WNT3: variants seen among roughly 807,000 people sequenced by gnomAD.
WNT3 encodes the protein Wnt family member 3.
WNT3 carries 7 observed loss-of-function variants against 34.2 expected under a neutral mutation model. The observed-to-expected ratio is 0.20, with a 90% CI of 0.12 to 0.38. WNT3 has a LOEUF of 0.38. Among genes scored for constraint, WNT3 ranks in the 10% least tolerant of loss-of-function variants. The pLI is 1.00. For missense variants in WNT3, 267 were observed against 499.8 expected, an observed-to-expected ratio of 0.53 and a Z score of 4.44; for synonymous variants, 212 against 211.5, an observed-to-expected ratio of 1.00 and a Z score of -0.02.
intron 4 of WNT3, among the ~76,000 whole-genome samples, chr17:46,766,086 A>T (rs968152416): frequency 2.6e-5 from 4 of 152,218 alleles, no homozygotes; most frequent in Non-Finnish European, 4.4e-5. Flanking sequence ...TGTCCATTTC[A>T]GAAATGGGGA....
intron 1 of WNT3, among the ~76,000 whole-genome samples, chr17:46,783,622 G>A (rs969689696): frequency 3.3e-5 from 5 of 152,322 alleles, no homozygotes; most frequent in African/African-American, 1.2e-4. Flanking sequence ...AGTAACCTCT[G>A]GGCCAGAGGG....
intron 1 of WNT3, among the ~76,000 whole-genome samples, chr17:46,812,238 C>G (rs1446883008): frequency 6.6e-6 from 1 of 152,180 alleles, no homozygotes; most frequent in Middle Eastern, 3.2e-3. Context: ...AAGGACCCTG[C>G]TTAGAGCCGG....
chr17:46,814,449 TGA>T (rs1166704084), intron 1 of WNT3, among the ~76,000 whole-genome samples: 1 of 151,922 alleles, frequency 6.6e-6, no homozygotes, highest in Non-Finnish European at 1.5e-5. Flanking sequence ...GGGGGCGGGG[TGA>T]GCGGGAGGGC....
chr17:46,804,715 G>A (rs771045230), intron 1 of WNT3, among the ~76,000 whole-genome samples: 12 of 152,206 alleles, frequency 7.9e-5, no homozygotes, highest in Non-Finnish European at 1.5e-4. Flanking sequence ...CGGACTTCCT[G>A]GGTCAACTGG....
At chr17:46,807,267 G>C (rs2084209704) in intron 1 of WNT3, among the ~76,000 whole-genome samples, 2 of 152,364 alleles carry the variant, frequency 1.3e-5, no homozygotes, top group South Asian at 4.1e-4. Flanking sequence ...TGGATCACTT[G>C]ATGTCAGGAG....
At chr17:46,807,350 C>T (rs1308595197) in intron 1 of WNT3, among the ~76,000 whole-genome samples, 2 of 152,150 alleles carry the variant, frequency 1.3e-5, no homozygotes, top group Admixed American at 6.5e-5. Context: ...GGTGTGGTGG[C>T]GCATGCCTAT....
chr17:46,770,132 A>AG, intron 2 of WNT3, 84 bp from the exon 3 acceptor site: 1 of 1,451,582 alleles, frequency 6.9e-7, no homozygotes, highest in South Asian at 1.4e-5. Context: ...CCAGGACGTG[A>AG]GGGGAACGAG....
At chr17:46,774,570 G>A (rs1038468353) in intron 1 of WNT3, among the ~76,000 whole-genome samples, 2 of 152,208 alleles carry the variant, frequency 1.3e-5, no homozygotes, top group Non-Finnish European at 2.9e-5. Flanking sequence ...GCTTGGCTTT[G>A]TGTCAAAACA....
rs985799362 is a variant in WNT3 at position 46,782,547 on chromosome 17, C to T, written c.81-8638G>A. ...AAAGAGCAGGAAGTGAGGAACCAAG[C>T]GTTGGCTTTGGAACTCAGGCCTCTA... On this transcript the variant is annotated intron_variant, in intron 1 of 4. Coordinates refer to ENST00000225512, the MANE Select transcript of WNT3 (RefSeq NM_030753.5). Among the ~76,000 whole-genome samples, 11 of 152,250 alleles carry T rather than the reference C, an allele frequency of 7.2e-5. 1 individual carries two copies. Among genetic ancestry groups the T allele is most frequent in the South Asian group, 6.2e-4 (3 of 4,832 alleles).
intron 1 of WNT3, among the ~76,000 whole-genome samples, chr17:46,806,895 C>T (rs751762565): frequency 2.6e-5 from 4 of 152,134 alleles, no homozygotes; most frequent in African/African-American, 4.8e-5. Context: ...CTGCTGGGGA[C>T]GGGAGCAGCT....
At chr17:46,767,166 G>C (rs2059321088) in intron 4 of WNT3, among the ~76,000 whole-genome samples, 1 of 152,046 alleles carries the variant, frequency 6.6e-6, no homozygotes, top group Non-Finnish European at 1.5e-5. Flanking sequence ...CCTATCCCGG[G>C]GTGCTGTGGA....
intron 1 of WNT3, among the ~76,000 whole-genome samples, chr17:46,784,757 G>A (rs962729394): frequency 6.7e-6 from 1 of 149,610 alleles, no homozygotes; most frequent in Non-Finnish European, 1.5e-5. Context: ...CCTCCTCTGC[G>A]CTTTCCCCTT....
intron 1 of WNT3, among the ~76,000 whole-genome samples, chr17:46,797,307 G>C (rs1722163652): frequency 6.6e-6 from 1 of 152,200 alleles, no homozygotes; most frequent in African/African-American, 2.4e-5. Flanking sequence ...CCAAAAACCT[G>C]GGAGAGAGTG....
chr17:46,805,481 G>A (rs2084182783), intron 1 of WNT3, among the ~76,000 whole-genome samples: 1 of 152,214 alleles, frequency 6.6e-6, no homozygotes, highest in African/African-American at 2.4e-5. Context: ...GCTGAGGCAG[G>A]AGAATCGCTT....
At chr17:46,800,270 C>T (rs1294414874) in intron 1 of WNT3, among the ~76,000 whole-genome samples, 1 of 152,118 alleles carries the variant, frequency 6.6e-6, no homozygotes, top group Admixed American at 6.6e-5. Context: ...ACCACCACAC[C>T]CAGCTAATTT....
intron 3 of WNT3, 138 bp downstream of exon 3, chr17:46,769,645 A>G: frequency 8.7e-7 from 1 of 1,144,308 alleles, no homozygotes; most frequent in South Asian, 1.4e-5. Context: ...GGTGGGGAGG[A>G]GGCCAAGCCT....
chr17:46,800,965 A>G (rs2084117319), intron 1 of WNT3, among the ~76,000 whole-genome samples: 1 of 152,226 alleles, frequency 6.6e-6, no homozygotes. Context: ...CGGAGAAGTG[A>G]GGTGTGCACG....
At chr17:46,771,182 A>G (rs1267497484) in intron 2 of WNT3, among the ~76,000 whole-genome samples, 1 of 152,164 alleles carries the variant, frequency 6.6e-6, no homozygotes, top group Non-Finnish European at 1.5e-5. Context: ...TCCCACTTCC[A>G]ACGACGGGAG....
chr17:46,817,781 T>G (rs2084371968), intron 1 of WNT3, among the ~76,000 whole-genome samples: 1 of 152,138 alleles, frequency 6.6e-6, no homozygotes, highest in South Asian at 2.1e-4. Context: ...ACATGGAGAA[T>G]TGGATTTTTG....
Sources: allele counts gnomAD v4.1 joint callset (sites outside exome capture counted in the v4.1 genomes callset), GRCh38; gene constraint gnomAD v4.1.1; transcripts MANE v1.5; gene names NCBI Gene and HGNC (gene_info 2026-07-23, HGNC 2026-07-21).